UNC13A: variants seen among roughly 807,000 people sequenced by gnomAD.
UNC13A encodes the protein protein unc-13 homolog A.
In UNC13A, 61 loss-of-function variants were observed where a neutral mutation model predicts 219.7. The ratio of observed to expected loss-of-function variants is 0.28; its 90% CI spans 0.23 to 0.34. The LOEUF is 0.34. Among genes scored for constraint, UNC13A ranks in the 10% least tolerant of loss-of-function variants. The pLI, the probability that UNC13A is intolerant of heterozygous loss-of-function variation, is 1.00. For synonymous variants in UNC13A, 920 were observed against 884.6 expected, an observed-to-expected ratio of 1.04 and a Z score of -0.71; for missense variants, 1,476 against 2,270.3, an observed-to-expected ratio of 0.65 and a Z score of 7.11.
intron 19 of UNC13A, among the ~76,000 whole-genome samples, chr19:17,643,379 G>A (rs1035522189): frequency 5.3e-5 from 8 of 151,862 alleles, no homozygotes; most frequent in African/African-American, 1.9e-4. Flanking sequence ...GAGTGCGGTG[G>A]CGCAATCTTG....
intron 2 of UNC13A, among the ~76,000 whole-genome samples, chr19:17,675,644 A>AAG (rs1555698646): frequency 0.048 from 6,984 of 145,612 alleles, 203 homozygotes; most frequent in African/African-American, 0.063. Flanking sequence ...AAAAAAAAAA[A>AAG]AAGAAGAAGA....
chr19:17,655,611 C>G (rs962656016), intron 10 of UNC13A, among the ~76,000 whole-genome samples: 9 of 152,186 alleles, frequency 5.9e-5, no homozygotes, highest in Non-Finnish European at 8.8e-5. Flanking sequence ...TTTCACCAGC[C>G]CAGCCCCTCT....
intron 25 of UNC13A, among the ~76,000 whole-genome samples, chr19:17,637,527 T>C (rs1029235374): frequency 6.6e-6 from 1 of 151,936 alleles, no homozygotes; most frequent in Non-Finnish European, 1.5e-5. Flanking sequence ...CTCGATCTCC[T>C]GACCTCATGA....
At position 17,666,689 on chromosome 19, in the gene UNC13A, C is replaced by T; in HGVS notation, c.484G>A (p.Glu162Lys). Residue 162 changes from glutamate (E) to lysine (K), a missense_variant, in exon 7 of 44, where the codon GAG (glutamate) becomes AAG (lysine). Physicochemically the swap from Glu to Lys is moderately conservative, Grantham distance 56. Coordinates refer to ENST00000519716, the MANE Select transcript of UNC13A (RefSeq NM_001080421.3). Reference sequence around the variant, plus strand: ...GGGACAGGCAGAGGCTTGTCTTGCTCATCTTGGAACGAATACTGAAGGGGT... The same window carrying T: ...GGGACAGGCAGAGGCTTGTCTTGCTTATCTTGGAACGAATACTGAAGGGGT... ...RDQDEYSFQDEQDKPLPVPSN... is the reference protein window; with the variant it reads ...RDQDEYSFQDKQDKPLPVPSN... 1 of 1,528,624 alleles carries T rather than the reference C, an allele frequency of 6.5e-7. No homozygotes were observed. 94.7% of individuals were successfully genotyped at this position (1,528,624 alleles called of 1,614,324 possible). A position where few individuals can be genotyped will look rare whatever the true frequency, so the allele number is the denominator to read the frequency against.
intron 18 of UNC13A, 54 bp downstream of exon 18, chr19:17,645,916 G>A: frequency 6.3e-7 from 1 of 1,599,550 alleles, no homozygotes; most frequent in Non-Finnish European, 8.5e-7. Flanking sequence ...GCCCTCTTTT[G>A]GCTGCCCCAG....
intron 11 of UNC13A, among the ~76,000 whole-genome samples, chr19:17,654,144 G>A (rs919150682): frequency 6.6e-6 from 1 of 152,118 alleles, no homozygotes; most frequent in Admixed American, 6.6e-5. Flanking sequence ...CTCCTTAAGT[G>A]TCATCTCCTC....
chr19:17,681,988 T>C (rs748218052), intron 1 of UNC13A, among the ~76,000 whole-genome samples: 1 of 149,454 alleles, frequency 6.7e-6, no homozygotes, highest in Non-Finnish European at 1.5e-5. Flanking sequence ...AGTCTCACTC[T>C]GTAGCCCAAG....
At chr19:17,618,523 C>T (rs1313444729) in intron 39 of UNC13A, 22 bp from the exon 40 acceptor site, 1 of 1,573,278 alleles carries the variant, frequency 6.4e-7, no homozygotes, top group East Asian at 2.3e-5. Flanking sequence ...GGGAGAGGGG[C>T]CATGTGGGTG....
chr19:17,687,877 A>C (rs1433762971), intron 1 of UNC13A, among the ~76,000 whole-genome samples: 1 of 151,908 alleles, frequency 6.6e-6, no homozygotes, highest in Non-Finnish European at 1.5e-5. Context: ...CAGACGCCCC[A>C]GTCTAGATCG....
At chr19:17,651,585 C>G (rs1158069155) in intron 12 of UNC13A, among the ~76,000 whole-genome samples, 1 of 152,180 alleles carries the variant, frequency 6.6e-6, no homozygotes, top group Non-Finnish European at 1.5e-5. Context: ...TCCAGACAAG[C>G]CCTGCAGGGC....
At chr19:17,635,466 T>A (rs767427797) in intron 26 of UNC13A, among the ~76,000 whole-genome samples, 1 of 152,182 alleles carries the variant, frequency 6.6e-6, no homozygotes, top group Non-Finnish European at 1.5e-5. Flanking sequence ...CTAACACAGA[T>A]GAAAATTCTA....
In UNC13A at chr19:17,602,351, A is replaced by G. The variant is rs1243594538; in HGVS notation, c.*3703T>C. The stretch of plus-strand genomic sequence containing the variant: ...TCCGTCCTCATCGGGGCGTGATCTC[A>G]CCCTCTGTCTCTGTGTTTTCTACTC... On this transcript the variant is annotated 3_prime_UTR_variant, in exon 44 of 44. Transcript: ENST00000519716. 1.3e-5 allele frequency: 2 copies of G among 151,376 alleles called. No individual in the cohort carries two copies. The highest frequency in any genetic ancestry group is 4.9e-5 in the African/African-American group (2 of 41,082). The allele number at this position is 151,376 out of a possible 1,614,324, so 9.4% of individuals were successfully genotyped here. A position where few individuals can be genotyped will look rare whatever the true frequency, so the allele number is the denominator to read the frequency against.
At chr19:17,641,182 T>C (rs991671405) in intron 21 of UNC13A, among the ~76,000 whole-genome samples, 7 of 152,110 alleles carry the variant, frequency 4.6e-5, no homozygotes, top group Admixed American at 4.6e-4. Flanking sequence ...GCCCAGCCTC[T>C]ATCTCTGCTT....
intron 1 of UNC13A, among the ~76,000 whole-genome samples, chr19:17,677,209 C>T (rs2079915158): frequency 6.6e-6 from 1 of 152,070 alleles, no homozygotes; most frequent in Admixed American, 6.6e-5. Context: ...CCCCTCCTGG[C>T]TCTTCTCAAC....
intron 9 of UNC13A, 83 bp from the exon 10 acceptor site, chr19:17,656,481 C>T: frequency 2.3e-6 from 3 of 1,331,368 alleles, no homozygotes; most frequent in South Asian, 3.0e-5. Context: ...ATTGACTCAT[C>T]ACCGACTGAG....
At chr19:17,686,313 C>G (rs768276290) in intron 1 of UNC13A, among the ~76,000 whole-genome samples, 2,192 of 99,750 alleles carry the variant, frequency 0.022, 124 homozygotes, top group African/African-American at 0.078. Context: ...CCCCCCCCCC[C>G]CCCCACTCCA....
chr19:17,621,084 C>T (rs567188166), intron 37 of UNC13A, among the ~76,000 whole-genome samples: 10 of 152,230 alleles, frequency 6.6e-5, no homozygotes, highest in African/African-American at 2.4e-4. Context: ...ATCCCAGCAC[C>T]CAAGTCTACA....
At chr19:17,646,825 C>T (rs1419511768) in intron 17 of UNC13A, among the ~76,000 whole-genome samples, 3 of 152,302 alleles carry the variant, frequency 2.0e-5, no homozygotes, top group African/African-American at 4.8e-5. Context: ...CCAGTATCCT[C>T]GCCCCTAAGT....
chr19:17,632,442 G>A (rs921043802), intron 28 of UNC13A, among the ~76,000 whole-genome samples: 27 of 152,300 alleles, frequency 1.8e-4, no homozygotes, highest in Non-Finnish European at 3.5e-4. Context: ...CCAGATTGCC[G>A]GGGCTACAGG....
Sources: allele counts gnomAD v4.1 joint callset (sites outside exome capture counted in the v4.1 genomes callset), GRCh38; gene constraint gnomAD v4.1.1; transcripts MANE v1.5; gene names NCBI Gene and HGNC (gene_info 2026-07-23, HGNC 2026-07-21).